The following M1AP variants were observed in gnomAD, a reference collection of about 807,000 sequenced individuals.
The protein encoded by M1AP is meiosis 1 arrest protein.
Under a neutral mutation model 51.2 loss-of-function variants are expected in M1AP, and 39 were observed. That is an observed-to-expected ratio of 0.76 (90% confidence interval 0.59 to 1.00). M1AP has a LOEUF of 1.00. M1AP is among the 50% of genes least tolerant of loss of function. The pLI, the probability that M1AP is intolerant of heterozygous loss-of-function variation, is 0.00. For missense variants in M1AP, 545 were observed against 641.2 expected, an observed-to-expected ratio of 0.85 and a Z score of 1.62; for synonymous variants, 251 against 249.2, an observed-to-expected ratio of 1.01 and a Z score of -0.07.
chr2:74,561,846 C>T (rs1003720779), intron 8 of M1AP: 54 of 979,100 alleles, frequency 5.5e-5, no homozygotes, highest in African/African-American at 7.0e-5. Context: ...GGTTTCCACT[C>T]TGTGATGCTC....
intron 2 of M1AP, among the ~76,000 whole-genome samples, chr2:74,618,342 T>C (rs1681793134): frequency 6.6e-6 from 1 of 152,186 alleles, no homozygotes; most frequent in Non-Finnish European, 1.5e-5. Flanking sequence ...AGACACCACC[T>C]GTACCTGTCA....
intron 4 of M1AP, among the ~76,000 whole-genome samples, chr2:74,600,626 T>C (rs1360221090): frequency 6.6e-6 from 1 of 152,202 alleles, no homozygotes; most frequent in Non-Finnish European, 1.5e-5. Flanking sequence ...TTCTTATCTC[T>C]ATTTCTTGAA....
At chr2:74,642,064 C>T (rs1442405733) in intron 1 of M1AP, among the ~76,000 whole-genome samples, 1 of 149,802 alleles carries the variant, frequency 6.7e-6, no homozygotes, top group Non-Finnish European at 1.5e-5. Context: ...ATGCTGGTCT[C>T]GAACTTCTGC....
At position 74,607,122 on chromosome 2, in the gene M1AP, A is replaced by G. The variant is rs763865140; in HGVS notation, c.528T>C (p.Val176=). The G allele has an allele frequency of 6.2e-6, 10 of 1,614,058 alleles. No homozygotes were observed. The South Asian group carries it at 8.8e-5, about 14-fold the overall frequency. The change falls in exon 4 of 11, where the codon GTT becomes GTC. Residue 176 remains valine (V), a synonymous_variant. Transcript: ENST00000421985. ...DLARVRRFQV[V]EVTKGILEHV... ...GCTCTAGGATTCCCTTTGTGACCTC[A>G]ACGACCTGAAACCTCCTGACTCTGG...
chr2:74,635,768 C>T (rs1682956751), intron 2 of M1AP, among the ~76,000 whole-genome samples: 1 of 152,040 alleles, frequency 6.6e-6, no homozygotes. Context: ...GTTTAGTTTT[C>T]AAGTGTTTGG....
At chr2:74,603,498 G>A (rs1680792969) in intron 4 of M1AP, among the ~76,000 whole-genome samples, 1 of 152,182 alleles carries the variant, frequency 6.6e-6, no homozygotes, top group Non-Finnish European at 1.5e-5. Context: ...TGATGTGGTT[G>A]TTCTAAGAAG....
chr2:74,572,125 G>A (rs1340811368), intron 7 of M1AP, among the ~76,000 whole-genome samples: 3 of 152,188 alleles, frequency 2.0e-5, no homozygotes, highest in Non-Finnish European at 4.4e-5. Flanking sequence ...TGAGTAAGCC[G>A]TTGTTATGAG....
intron 8 of M1AP, among the ~76,000 whole-genome samples, chr2:74,561,709 G>A (rs1290323803): frequency 6.6e-6 from 1 of 152,020 alleles, no homozygotes; most frequent in African/African-American, 2.4e-5. Context: ...GGAGGAGGTG[G>A]GGGCAGGAGA....
At chr2:74,559,117 C>T (rs1677723786) in intron 10 of M1AP, among the ~76,000 whole-genome samples, 1 of 152,164 alleles carries the variant, frequency 6.6e-6, no homozygotes, top group Non-Finnish European at 1.5e-5. Flanking sequence ...CTGCTCCTAC[C>T]TCTGGTTTGG....
At chr2:74,581,960 C>G in intron 4 of M1AP, 113 bp from the exon 5 acceptor site, 1 of 918,984 alleles carries the variant, frequency 1.1e-6, no homozygotes, top group Non-Finnish European at 1.6e-6. Flanking sequence ...TTATGTCACC[C>G]AGGCTAAAGT....
At chr2:74,641,137 A>G (rs1683275168) in intron 1 of M1AP, among the ~76,000 whole-genome samples, 1 of 152,252 alleles carries the variant, frequency 6.6e-6, no homozygotes, top group Non-Finnish European at 1.5e-5. Flanking sequence ...CTTATAAGGT[A>G]AAATTTAAAC....
In M1AP at chr2:74,562,391, T is replaced by C. The variant is rs1319275583; in HGVS notation, c.1107A>G (p.Glu369=). ...KREWLLLAKG[E]PPGPGHSQRI... ...TCTGGCTGTGTCCTGGGCCCGGTGG[T>C]TCCCCCTTGGCTAACAGCAGCCATT... The change falls in exon 8 of 11, where the codon GAA becomes GAG. Residue 369 remains glutamate (E), a synonymous_variant. Transcript: ENST00000421985. 26 of 1,614,080 alleles carry C rather than the reference T, an allele frequency of 1.6e-5. No individual in the cohort carries two copies. In the Admixed American group the frequency reaches 2.0e-4, roughly 12 times the overall value.
intron 1 of M1AP, among the ~76,000 whole-genome samples, chr2:74,642,402 T>G (rs972218260): frequency 1.2e-4 from 18 of 152,228 alleles, no homozygotes; most frequent in Admixed American, 3.3e-4. Context: ...ATCATCCCAA[T>G]AGACGCAAAA....
intron 2 of M1AP, among the ~76,000 whole-genome samples, chr2:74,637,551 C>T (rs1305813751): frequency 6.6e-6 from 1 of 152,122 alleles, no homozygotes; most frequent in Non-Finnish European, 1.5e-5. Context: ...TATAAATATT[C>T]TTGAGCTTTG....
chr2:74,598,459 G>C (rs1680472363), intron 4 of M1AP, among the ~76,000 whole-genome samples: 1 of 151,828 alleles, frequency 6.6e-6, no homozygotes. Flanking sequence ...TTTTAGTTTT[G>C]AGCTTTATAA....
intron 2 of M1AP, among the ~76,000 whole-genome samples, chr2:74,631,391 G>A (rs968595492): frequency 3.9e-5 from 6 of 152,084 alleles, no homozygotes; most frequent in African/African-American, 1.4e-4. Context: ...CTATAGAAAT[G>A]ACAAAATTAG....
chr2:74,603,322 C>A (rs1680780673), intron 4 of M1AP, among the ~76,000 whole-genome samples: 1 of 152,180 alleles, frequency 6.6e-6, no homozygotes, highest in African/African-American at 2.4e-5. Flanking sequence ...TGCCAAGGTG[C>A]TTACAGTTTA....
Position 74,558,137 on chromosome 2 carries a change from C to A in M1AP, c.*579G>T, listed in dbSNP as rs1677636491. 6.6e-6 allele frequency: 1 copy of A among 152,666 alleles called. No homozygotes were observed. Among genetic ancestry groups the A allele is most frequent in the Non-Finnish European group, 1.5e-5 (1 of 68,426 alleles). 9.5% of individuals were successfully genotyped at this position (152,666 alleles called of 1,614,324 possible). A position where few individuals can be genotyped will look rare whatever the true frequency, so the allele number is the denominator to read the frequency against. On this transcript the variant is annotated 3_prime_UTR_variant, in exon 11 of 11. Transcript: ENST00000421985. ...AGAGGGTAACAGGAAAGGAGTAGGTCTTTTTTTACACCATCCTCTCCCCTG... is the reference window on the plus strand; with the variant it reads ...AGAGGGTAACAGGAAAGGAGTAGGTATTTTTTTACACCATCCTCTCCCCTG...
intron 4 of M1AP, among the ~76,000 whole-genome samples, chr2:74,588,285 C>T (rs961412564): frequency 7.2e-5 from 11 of 152,100 alleles, no homozygotes; most frequent in Non-Finnish European, 4.4e-5. Flanking sequence ...GGGGAAAGCC[C>T]CTAGCTTTTA....
Sources: gnomAD v4.1 joint callset for allele counts (sites outside exome capture counted in the v4.1 genomes callset) on GRCh38, gnomAD v4.1.1 for gene constraint, MANE v1.5 for transcripts, NCBI Gene and HGNC (gene_info 2026-07-23, HGNC 2026-07-21) for gene names.